Variants in SLC35D4 observed in about 807,000 individuals in gnomAD.
The protein encoded by SLC35D4 is solute carrier family 35 member D4, also known as UDP-N-acetylglucosamine transporter SLC35D4.
chr18:23,312,894 A>AAG, the SLC35D4 span, among the ~76,000 whole-genome samples: 1 of 152,020 alleles, frequency 6.6e-6, no homozygotes, highest in African/African-American at 2.4e-5. Flanking sequence ...TTGGGAGGCC[A>AAG]AGACGGGCGG....
the SLC35D4 span, among the ~76,000 whole-genome samples, chr18:23,311,203 A>G: frequency 8.6e-5 from 13 of 151,616 alleles, no homozygotes; most frequent in African/African-American, 2.7e-4. Flanking sequence ...CCAGGACTCA[A>G]GCACTCCTCC....
chr18:23,403,425 C>A, the SLC35D4 span, among the ~76,000 whole-genome samples: 2 of 152,188 alleles, frequency 1.3e-5, no homozygotes, highest in South Asian at 4.1e-4. Flanking sequence ...CAAAGTTAAA[C>A]TGGCTACAGG....
At chr18:23,269,582 A>G in the SLC35D4 span, among the ~76,000 whole-genome samples, 5 of 152,258 alleles carry the variant, frequency 3.3e-5, no homozygotes, top group African/African-American at 9.6e-5. Context: ...ACTGGGTAAC[A>G]GGCAGAGACT....
chr18:23,250,979 G>A, the SLC35D4 span, among the ~76,000 whole-genome samples: 1 of 152,224 alleles, frequency 6.6e-6, no homozygotes, highest in African/African-American at 2.4e-5. Flanking sequence ...CAAAGACATT[G>A]TACATGTCTG....
At chr18:23,306,749 G>A in the SLC35D4 span, among the ~76,000 whole-genome samples, 1 of 152,040 alleles carries the variant, frequency 6.6e-6, no homozygotes, top group African/African-American at 2.4e-5. Flanking sequence ...GCTATTCCAT[G>A]GGGGGGAAAA....
At chr18:23,293,042 C>A in the SLC35D4 span, among the ~76,000 whole-genome samples, 1 of 152,106 alleles carries the variant, frequency 6.6e-6, no homozygotes, top group Non-Finnish European at 1.5e-5. Flanking sequence ...GAGTTCGGGA[C>A]CAGCCTGACC....
the SLC35D4 span, among the ~76,000 whole-genome samples, chr18:23,414,331 A>AAGGCAGGCAGGCAGGC: frequency 3.6e-5 from 5 of 140,446 alleles, no homozygotes; most frequent in East Asian, 6.2e-4. Flanking sequence ...GGAAGGAAGG[A>AAGGCAGGCAGGCAGGC]AGGCAGGCAG....
the SLC35D4 span, among the ~76,000 whole-genome samples, chr18:23,276,561 C>T: frequency 1.3e-5 from 2 of 152,008 alleles, no homozygotes; most frequent in Non-Finnish European, 2.9e-5. Flanking sequence ...AGACTGCTGC[C>T]ACCAGTGTTG....
the SLC35D4 span, among the ~76,000 whole-genome samples, chr18:23,254,873 G>C: frequency 7.2e-5 from 11 of 152,302 alleles, no homozygotes; most frequent in African/African-American, 2.4e-4. Context: ...ATACGAATTT[G>C]GGGGGACACA....
the SLC35D4 span, among the ~76,000 whole-genome samples, chr18:23,414,442 G>A: frequency 6.7e-6 from 1 of 148,966 alleles, no homozygotes; most frequent in Non-Finnish European, 1.5e-5. Context: ...GGAGGCCTAG[G>A]CGGGTGGATC....
chr18:23,273,933 T>A, the SLC35D4 span, among the ~76,000 whole-genome samples: 2 of 152,128 alleles, frequency 1.3e-5, no homozygotes, highest in African/African-American at 4.8e-5. Flanking sequence ...ACCTTTCCAT[T>A]TTTATTTTAT....
chr18:23,340,809 C>T, the SLC35D4 span, among the ~76,000 whole-genome samples: 19 of 152,170 alleles, frequency 1.2e-4, no homozygotes, highest in African/African-American at 2.9e-4. Context: ...CAAGCATTGC[C>T]GCTGCTGTCC....
the SLC35D4 span, among the ~76,000 whole-genome samples, chr18:23,355,736 T>C: frequency 1.3e-5 from 2 of 152,130 alleles, no homozygotes; most frequent in African/African-American, 2.4e-5. Flanking sequence ...GATTTTTACA[T>C]AGCAATTCTT....
the SLC35D4 span, among the ~76,000 whole-genome samples, chr18:23,416,315 T>C: frequency 6.6e-6 from 1 of 152,114 alleles, no homozygotes; most frequent in South Asian, 2.1e-4. Context: ...AGTCTTAACT[T>C]AGGACCCACT....
chr18:23,259,364 C>G, the SLC35D4 span: 1 of 152,196 alleles, frequency 6.6e-6, no homozygotes, highest in Non-Finnish European at 1.5e-5. Context: ...TGACAGGCCG[C>G]CAGCCCAGAC....
the SLC35D4 span, chr18:23,399,773 A>G: frequency 6.9e-5 from 58 of 836,096 alleles, no homozygotes; most frequent in East Asian, 1.6e-3. Context: ...TCCCTGGCAG[A>G]CTTGTTAAGT....
At chr18:23,251,735 T>G in the SLC35D4 span, among the ~76,000 whole-genome samples, 1 of 152,208 alleles carries the variant, frequency 6.6e-6, no homozygotes. Context: ...TATGGTGGCA[T>G]GTTGTTCAAC....
the SLC35D4 span, among the ~76,000 whole-genome samples, chr18:23,354,565 G>A: frequency 1.3e-5 from 2 of 151,642 alleles, no homozygotes; most frequent in South Asian, 4.2e-4. Context: ...GGTCATGAGG[G>A]TGGGGCTGAA....
At chr18:23,382,108 C>T in the SLC35D4 span, among the ~76,000 whole-genome samples, 44 of 151,762 alleles carry the variant, frequency 2.9e-4, no homozygotes, top group African/African-American at 1.1e-3. Context: ...GGCATGGTGG[C>T]GGGCACCTGT....
Sources: gnomAD v4.1 joint callset for allele counts (sites outside exome capture counted in the v4.1 genomes callset) on GRCh38, gnomAD v4.1.1 for gene constraint, MANE v1.5 for transcripts, NCBI Gene and HGNC (gene_info 2026-07-23, HGNC 2026-07-21) for gene names.